RIMBP2: variants seen among roughly 807,000 people sequenced by gnomAD.
RIMBP2 encodes RIMS-binding protein 2.
RIMBP2 carries 48 observed loss-of-function variants against 118.6 expected under a neutral mutation model. The ratio of observed to expected loss-of-function variants is 0.40; its 90% CI spans 0.32 to 0.51. The LOEUF (loss-of-function observed/expected upper bound fraction) is 0.51, where lower values mean the gene tolerates loss of function less well. Ranked by LOEUF, RIMBP2 falls within the 20% of genes least tolerant of loss-of-function variation. RIMBP2 has a pLI of 0.41. For missense variants in RIMBP2, 1,551 were observed against 1,768.3 expected (o/e 0.88, Z 2.20); for synonymous variants, 762 against 742.9 (o/e 1.03, Z -0.42).
At chr12:130,482,865 C>G (rs1263010982) in intron 4 of RIMBP2, among the ~76,000 whole-genome samples, 39 of 102,596 alleles carry the variant, frequency 3.8e-4, no homozygotes, top group African/African-American at 4.5e-4. Flanking sequence ...CAAATACACC[C>G]ATTGTGTGTG....
At chr12:130,501,986 C>A (rs772447775) in intron 4 of RIMBP2, among the ~76,000 whole-genome samples, 1 of 152,250 alleles carries the variant, frequency 6.6e-6, no homozygotes, top group Non-Finnish European at 1.5e-5. Context: ...CTTTGGCCAA[C>A]GGAATTCGAG....
intron 2 of RIMBP2, among the ~76,000 whole-genome samples, chr12:130,560,179 T>A (rs2056704809): frequency 6.6e-6 from 1 of 152,226 alleles, no homozygotes; most frequent in Non-Finnish European, 1.5e-5. Context: ...CAGGTAGAAT[T>A]TCTATTTCCC....
intron 2 of RIMBP2, among the ~76,000 whole-genome samples, chr12:130,521,917 T>C (rs1355044547): frequency 1.3e-5 from 2 of 152,212 alleles, no homozygotes; most frequent in African/African-American, 2.4e-5. Flanking sequence ...AAAGAGGGTT[T>C]AGGGTTTCCC....
At chr12:130,415,838 A>G (rs2076066297) in intron 17 of RIMBP2, among the ~76,000 whole-genome samples, 1 of 152,354 alleles carries the variant, frequency 6.6e-6, no homozygotes, top group South Asian at 2.1e-4. Context: ...CTAAACCAAT[A>G]GACAATTTCA....
At chr12:130,709,278 C>T (rs60887046) in intron 1 of RIMBP2, among the ~76,000 whole-genome samples, 1 of 152,268 alleles carries the variant, frequency 6.6e-6, no homozygotes, top group African/African-American at 2.4e-5. Flanking sequence ...CTGCCATTCG[C>T]TGCATCCACC....
chr12:130,450,055 C>T lies in RIMBP2; in HGVS notation c.581+145G>A. 1 of 611,598 alleles carries T rather than the reference C, an allele frequency of 1.6e-6. No homozygotes were observed. Among genetic ancestry groups the T allele is most frequent in the Non-Finnish European group, 2.9e-6 (1 of 342,758 alleles). 37.9% of individuals were successfully genotyped at this position (611,598 alleles called of 1,614,324 possible). On this transcript the variant is annotated intron_variant, in intron 9 of 22. Coordinates refer to ENST00000690449, the MANE Select transcript of RIMBP2 (RefSeq NM_001393629.1). This position sits in a 1 kb window ranked among gnomAD's most constrained non-coding sequence, Gnocchi z 4.8. ...CCCAAACTCTCTCCACCGAACCCTG[C>T]TCAGCCTCCAGGCCAGGCTGAAATC...
chr12:130,700,391 C>T lies in RIMBP2; in HGVS notation c.-352+15831G>A, dbSNP rs116454701. On this transcript the variant is annotated intron_variant, in intron 1 of 22. Coordinates refer to ENST00000690449, the MANE Select transcript of RIMBP2 (RefSeq NM_001393629.1). ...ACTGAGGAATGTCCCCCGAGAATCA[C>T]GTTCACTCGAGACCTCAGAATGGGA... 5.4e-3 allele frequency among the ~76,000 whole-genome samples: 829 copies of T among 152,218 alleles called. 7 individuals carry two copies. Among genetic ancestry groups the T allele is most frequent in the African/African-American group, 0.019 (784 of 41,538 alleles).
chr12:130,479,179 C>T lies in RIMBP2; in HGVS notation c.-3-163G>A, dbSNP rs538790868. ...CTCCGTGCTGCCAACAGGGCTCCTC[C>T]AGAGGCGGCACTCCCAATGCGGGAG... is the stretch of plus-strand genomic sequence containing the variant. On this transcript the variant is annotated intron_variant, in intron 4 of 22. Transcript: ENST00000690449. 2.4e-4 allele frequency among the ~76,000 whole-genome samples: 36 copies of T among 152,370 alleles called. 2 individuals carry two copies. The South Asian group carries it at 6.4e-3, about 27-fold the overall frequency.
chr12:130,450,144 A>G lies in RIMBP2; in HGVS notation c.581+56T>C, dbSNP rs187424241. 9 of 1,140,142 alleles carry G rather than the reference A, an allele frequency of 7.9e-6. No individual in the cohort carries two copies. The East Asian group carries it at 1.5e-4, about 19-fold the overall frequency. The allele number at this position is 1,140,142 out of a possible 1,614,324, so 70.6% of individuals were successfully genotyped here. The stretch of plus-strand genomic sequence containing the variant: ...AGACCCCAGAGTGTTCCCAGACCCA[A>G]CATCTCATCTGCCCCACTCACAGGG... On this transcript the variant is annotated intron_variant, in intron 9 of 22. Transcript: ENST00000690449. The surrounding 1 kb of genome is among the most constrained non-coding windows in gnomAD (Gnocchi z 4.8).
intron 4 of RIMBP2, among the ~76,000 whole-genome samples, chr12:130,493,885 C>A (rs1021711179): frequency 1.3e-5 from 2 of 152,128 alleles, no homozygotes; most frequent in Non-Finnish European, 2.9e-5. Flanking sequence ...TACATTTACC[C>A]GGATATCCGC....
chr12:130,501,463 T>TA (rs1432804677), intron 4 of RIMBP2, among the ~76,000 whole-genome samples: 1 of 152,170 alleles, frequency 6.6e-6, no homozygotes, highest in Non-Finnish European at 1.5e-5. Flanking sequence ...CACACAGCAC[T>TA]AGCTAAATTA....
At chr12:130,606,329 A>G (rs945091375) in intron 2 of RIMBP2, among the ~76,000 whole-genome samples, 17 of 152,222 alleles carry the variant, frequency 1.1e-4, no homozygotes, top group African/African-American at 3.6e-4. Flanking sequence ...ACCCCCTCTC[A>G]CTATTATTCT....
chr12:130,529,914 G>A (rs12825869), intron 2 of RIMBP2, among the ~76,000 whole-genome samples: 16,188 of 152,078 alleles, frequency 0.11, 940 homozygotes, highest in East Asian at 0.17. Context: ...GAGCTCAAGC[G>A]ATCATGCTTA....
intron 2 of RIMBP2, among the ~76,000 whole-genome samples, chr12:130,545,866 C>A (rs570744813): frequency 6.6e-6 from 1 of 152,144 alleles, no homozygotes; most frequent in African/African-American, 2.4e-5. Flanking sequence ...GTGCCAATAC[C>A]GTTCTTATCT....
At chr12:130,444,848 T>C (rs1283898773) in intron 10 of RIMBP2, among the ~76,000 whole-genome samples, 1 of 152,222 alleles carries the variant, frequency 6.6e-6, no homozygotes. Flanking sequence ...GAGACACTTT[T>C]GGAAGCAGAG....
In RIMBP2 at chr12:130,683,510, G is replaced by A. The variant is rs2064898390; in HGVS notation, c.-352+32712C>T. ...ACCAGAGCAACTCCATCTTGAATAG[G>A]GGCTGGGTAAGATGAGGCTGAGACC... On this transcript the variant is annotated intron_variant, in intron 1 of 22. Transcript: ENST00000690449. This position sits in a 1 kb window ranked among gnomAD's most constrained non-coding sequence, Gnocchi z 4.4. Among the ~76,000 whole-genome samples the A allele has an allele frequency of 6.6e-6, 1 of 152,348 alleles. No individual in the cohort carries two copies.
At position 130,438,354 on chromosome 12, in the gene RIMBP2, CGAAA is replaced by C; in HGVS notation, c.1656+7_1656+10del. 1.9e-6 allele frequency: 2 copies of C among 1,037,476 alleles called. No individual in the cohort carries two copies. The highest frequency in any genetic ancestry group is 2.8e-6 in the Non-Finnish European group (2 of 708,268). 64.3% of individuals were successfully genotyped at this position (1,037,476 alleles called of 1,614,324 possible). Reference sequence around the variant, plus strand: ...TAACAAACCCTCCCCACCCACCCAACGAAAACTCACCCTCTGCCCTTTGGCATAC... The same window carrying C: ...TAACAAACCCTCCCCACCCACCCAACACTCACCCTCTGCCCTTTGGCATAC... On this transcript the variant is annotated splice_region_variant and intron_variant, in intron 12 of 22. Coordinates refer to ENST00000690449, the MANE Select transcript of RIMBP2 (RefSeq NM_001393629.1).
Position 130,620,884 on chromosome 12 carries a change from C to T in RIMBP2, c.-217+7438G>A, listed in dbSNP as rs1322813468. ...ACCCTGTAACAGACTCTGTGACCCGCAGTCAACCACCCCACCCAGCAGTGG... is the reference window on the plus strand; with the variant it reads ...ACCCTGTAACAGACTCTGTGACCCGTAGTCAACCACCCCACCCAGCAGTGG... On this transcript the variant is annotated intron_variant, in intron 2 of 22. Transcript: ENST00000690449. The surrounding 1 kb of genome is among the most constrained non-coding windows in gnomAD (Gnocchi z 5.3). Among the ~76,000 whole-genome samples the T allele has an allele frequency of 6.6e-6, 1 of 152,206 alleles. No individual in the cohort carries two copies. Among genetic ancestry groups the T allele is most frequent in the Non-Finnish European group, 1.5e-5 (1 of 68,040 alleles).
At position 130,621,094 on chromosome 12, in the gene RIMBP2, A is replaced by AT. The variant is rs957084883; in HGVS notation, c.-217+7227dup. Among the ~76,000 whole-genome samples the AT allele has an allele frequency of 7.9e-5, 12 of 152,132 alleles. No individual in the cohort carries two copies. Among genetic ancestry groups the AT allele is most frequent in the African/African-American group, 1.9e-4 (8 of 41,512 alleles). ...GTCACCCCTTAGTGAGGGTGGGTTCATTTTTTTACCAGCACCCTGGGAGCT... is the reference window on the plus strand; with the variant it reads ...GTCACCCCTTAGTGAGGGTGGGTTCATTTTTTTTACCAGCACCCTGGGAGCT... On this transcript the variant is annotated intron_variant, in intron 2 of 22. Transcript: ENST00000690449. The surrounding 1 kb of genome is among the most constrained non-coding windows in gnomAD (Gnocchi z 6.6).
Sources: gnomAD v4.1 joint callset for allele counts (sites outside exome capture counted in the v4.1 genomes callset) on GRCh38, gnomAD v4.1.1 for gene constraint, Gnocchi (gnomAD v3.1) non-coding constraint, MANE v1.5 for transcripts, NCBI Gene and HGNC (gene_info 2026-07-23, HGNC 2026-07-21) for gene names.